RETREG1: variants seen among roughly 807,000 people sequenced by gnomAD.
The protein encoded by RETREG1 is family with sequence similarity 134 member B.
Under a neutral mutation model 54.8 loss-of-function variants are expected in RETREG1, and 44 were observed. The ratio of observed to expected loss-of-function variants is 0.80; its 90% CI spans 0.63 to 1.03. The LOEUF is 1.03. RETREG1 is among the 50% of genes least tolerant of loss of function. The probability of loss-of-function intolerance (pLI) is 0.00; values close to 1 mark genes in which losing one functional copy is unlikely to be tolerated. For missense variants in RETREG1, 554 were observed against 605.1 expected (o/e 0.92, Z 0.89); for synonymous variants, 217 against 238.5 (o/e 0.91, Z 0.83).
At chr5:16,566,178 G>C (rs995929892) in intron 2 of RETREG1, among the ~76,000 whole-genome samples, 13 of 152,162 alleles carry the variant, frequency 8.5e-5, no homozygotes, top group Non-Finnish European at 1.8e-4. Flanking sequence ...TGTGAGTTCA[G>C]GGAAGAGAGA....
intron 3 of RETREG1, among the ~76,000 whole-genome samples, chr5:16,515,974 T>C (rs986684670): frequency 6.6e-6 from 1 of 151,954 alleles, no homozygotes; most frequent in African/African-American, 2.4e-5. Context: ...CCTGAAAAGA[T>C]TTAACTATCT....
chr5:16,616,950 C>T lies in RETREG1; in HGVS notation c.22G>A (p.Glu8Lys), dbSNP rs759050645. The change falls in exon 1 of 9, where the codon GAG (glutamate) becomes AAG (lysine). Residue 8 changes from glutamate to lysine, a missense_variant. Transcript: ENST00000306320. MASPAPPEHAEEGCPAPA... is the reference protein window; with the variant it reads MASPAPPKHAEEGCPAPA... ...GCCGGGCATCCCTCCTCGGCGTGCT[C>T]CGGAGGCGCCGGGCTCGCCATCTTC... The T allele has an allele frequency of 1.4e-4, 208 of 1,444,726 alleles. No individual in the cohort carries two copies. The highest frequency in any genetic ancestry group is 3.7e-4 in the African/African-American group (25 of 67,542). The allele number at this position is 1,444,726 out of a possible 1,614,324, so 89.5% of individuals were successfully genotyped here.
intron 5 of RETREG1, among the ~76,000 whole-genome samples, chr5:16,479,193 C>A (rs1226684873): frequency 3.3e-5 from 5 of 151,146 alleles, no homozygotes; most frequent in African/African-American, 1.2e-4. Flanking sequence ...ACACATGCAT[C>A]CCACACTTAC....
chr5:16,569,938 G>A (rs149333320), intron 2 of RETREG1, among the ~76,000 whole-genome samples: 21 of 152,350 alleles, frequency 1.4e-4, no homozygotes, highest in African/African-American at 4.8e-4. Context: ...TGGAATGCCC[G>A]CAACTCCCAG....
chr5:16,527,206 T>C (rs1350886864), intron 3 of RETREG1, among the ~76,000 whole-genome samples: 1 of 152,210 alleles, frequency 6.6e-6, no homozygotes, highest in Non-Finnish European at 1.5e-5. Context: ...CCTAAGTCAC[T>C]TGGCCAAAAT....
At chr5:16,584,163 T>C (rs1579707705) in intron 1 of RETREG1, among the ~76,000 whole-genome samples, 1 of 152,056 alleles carries the variant, frequency 6.6e-6, no homozygotes, top group African/African-American at 2.4e-5. Context: ...GGGTGAGGGA[T>C]AGAAGATTAC....
At chr5:16,477,594 A>C in intron 8 of RETREG1, 68 bp downstream of exon 8, 1 of 1,430,842 alleles carries the variant, frequency 7.0e-7, no homozygotes, top group Non-Finnish European at 9.8e-7. Flanking sequence ...CCCATTCAGT[A>C]TTTGACAGAA....
intron 3 of RETREG1, among the ~76,000 whole-genome samples, chr5:16,548,669 G>A (rs532459881): frequency 3.3e-5 from 5 of 152,310 alleles, no homozygotes; most frequent in East Asian, 3.9e-4. Context: ...ATGAACAGCT[G>A]ATTAAGAAAA....
At chr5:16,615,278 T>C (rs2126384085) in intron 1 of RETREG1, among the ~76,000 whole-genome samples, 1 of 151,008 alleles carries the variant, frequency 6.6e-6, no homozygotes, top group East Asian at 2.0e-4. Flanking sequence ...CGGGCGCCTG[T>C]AGTCCCAGCT....
At chr5:16,532,330 G>C (rs1449314873) in intron 3 of RETREG1, among the ~76,000 whole-genome samples, 2 of 152,130 alleles carry the variant, frequency 1.3e-5, no homozygotes, top group Non-Finnish European at 2.9e-5. Flanking sequence ...TTCGAGACCA[G>C]CCTGACCAAC....
chr5:16,501,339 G>T (rs550396261), intron 3 of RETREG1, among the ~76,000 whole-genome samples: 152 of 152,256 alleles, frequency 1.0e-3, no homozygotes, highest in African/African-American at 3.4e-3. Flanking sequence ...AACCAGCATT[G>T]CATGGTTCTA....
chr5:16,579,886 G>A (rs1355978678), intron 1 of RETREG1, among the ~76,000 whole-genome samples: 1 of 152,014 alleles, frequency 6.6e-6, no homozygotes, highest in Admixed American at 6.5e-5. Context: ...CCAATTTTTG[G>A]CAATTATGAA....
chr5:16,541,305 G>T (rs1741236557), intron 3 of RETREG1, among the ~76,000 whole-genome samples: 1 of 152,164 alleles, frequency 6.6e-6, no homozygotes, highest in Non-Finnish European at 1.5e-5. Context: ...AAATTACCCA[G>T]TCTAAGGTAT....
In RETREG1 at chr5:16,521,030, T is replaced by C. The variant is rs142720218; in HGVS notation, c.459-37558A>G. On this transcript the variant is annotated intron_variant, in intron 3 of 8. Coordinates refer to ENST00000306320, the MANE Select transcript of RETREG1 (RefSeq NM_001034850.3). The stretch of plus-strand genomic sequence containing the variant: ...CCCAGGGCCACTGACTTGTTCTGCG[T>C]TGAGTCCTGTGTTTACTGAGTCTCC... Among the ~76,000 whole-genome samples the C allele has an allele frequency of 4.5e-3, 678 of 152,330 alleles. 2 individuals carry two copies. Among genetic ancestry groups the C allele is most frequent in the Non-Finnish European group, 6.1e-3 (417 of 68,034 alleles).
chr5:16,556,983 C>A (rs1328328124), intron 3 of RETREG1, among the ~76,000 whole-genome samples: 1 of 152,194 alleles, frequency 6.6e-6, no homozygotes, highest in African/African-American at 2.4e-5. Flanking sequence ...GCGCCCGCCA[C>A]CATGCCTGGC....
intron 3 of RETREG1, among the ~76,000 whole-genome samples, chr5:16,538,787 C>T (rs577613056): frequency 6.6e-6 from 1 of 152,132 alleles, no homozygotes; most frequent in African/African-American, 2.4e-5. Context: ...TCACTGCAAG[C>T]TCCGCCTCCT....
intron 2 of RETREG1, among the ~76,000 whole-genome samples, chr5:16,568,749 G>C (rs947788793): frequency 2.6e-5 from 4 of 152,172 alleles, no homozygotes; most frequent in African/African-American, 9.7e-5. Flanking sequence ...AGTCATCAAA[G>C]ATGAAAACGC....
intron 3 of RETREG1, among the ~76,000 whole-genome samples, chr5:16,536,121 C>A (rs1374041781): frequency 6.6e-6 from 1 of 152,208 alleles, no homozygotes; most frequent in African/African-American, 2.4e-5. Flanking sequence ...AAGAGTCTGA[C>A]CAGTCCTTTT....
intron 1 of RETREG1, among the ~76,000 whole-genome samples, chr5:16,574,321 C>A (rs138093824): frequency 6.6e-6 from 1 of 152,176 alleles, no homozygotes; most frequent in East Asian, 1.9e-4. Context: ...TCTTATGCTA[C>A]AAACAATAGA....
Sources: allele counts gnomAD v4.1 joint callset (sites outside exome capture counted in the v4.1 genomes callset), GRCh38; gene constraint gnomAD v4.1.1; transcripts MANE v1.5; gene names NCBI Gene and HGNC (gene_info 2026-07-23, HGNC 2026-07-21).